Variants in ZNF862 observed in about 807,000 individuals in gnomAD.
The protein encoded by ZNF862 is zinc finger protein 862.
Under a neutral mutation model 91.1 loss-of-function variants are expected in ZNF862, and 64 were observed. That is an observed-to-expected ratio of 0.70 (90% CI 0.57 to 0.87). The LOEUF (loss-of-function observed/expected upper bound fraction) is 0.87. Among genes scored for constraint, ZNF862 ranks in the 40% least tolerant of loss-of-function variants. The pLI is 0.00. For missense variants in ZNF862, 1,459 were observed against 1,528.0 expected (o/e 0.95, Z 0.75); for synonymous variants, 631 against 618.1 (o/e 1.02, Z -0.31).
chr7:149,863,505 A>T (rs1368814292), intron 7 of ZNF862, among the ~76,000 whole-genome samples: 1 of 152,200 alleles, frequency 6.6e-6, no homozygotes, highest in Non-Finnish European at 1.5e-5. Context: ...AGGTGGGGAT[A>T]AGAAAAGAGA....
rs367972255 is a variant in ZNF862 at position 149,862,454 on chromosome 7, T to C, written c.3294T>C (p.His1098=). The C allele has an allele frequency of 3.7e-6, 6 of 1,606,692 alleles. No individual in the cohort carries two copies. The highest frequency in any genetic ancestry group is 2.2e-5 in the East Asian group (1 of 44,674). ...YLTSSGRRFS[H]VYTCAQVPAR... ...CCTCCTCAGGCCGGCGTTTCAGCCA[T>C]GTCTACACCTGTGCCCAGGTGCCAG... is the stretch of plus-strand genomic sequence containing the variant. The change falls in exon 7 of 8, where the codon CAT becomes CAC. Residue 1098 remains histidine (H), a synonymous_variant. Transcript: ENST00000223210.
chr7:149,841,829 C>G (rs972391109), intron 1 of ZNF862: 7 of 878,000 alleles, frequency 8.0e-6, no homozygotes, highest in African/African-American at 1.8e-5. Flanking sequence ...GCACTTATAT[C>G]TTAGTTGTCT....
At chr7:149,839,381 G>C (rs987601938) in intron 1 of ZNF862, among the ~76,000 whole-genome samples, 1 of 152,126 alleles carries the variant, frequency 6.6e-6, no homozygotes, top group African/African-American at 2.4e-5. Context: ...TTCTTATTTG[G>C]CACAGAGGAG....
chr7:149,844,526 C>T, intron 1 of ZNF862, 99 bp from the exon 2 acceptor site: 2 of 745,744 alleles, frequency 2.7e-6, no homozygotes, highest in Admixed American at 4.7e-5. Context: ...ATTGACAACA[C>T]CCCTCCCCGT....
rs776025030 is a variant in ZNF862 at position 149,861,219 on chromosome 7, A to C, written c.2059A>C (p.Lys687Gln). 3 of 1,612,254 alleles carry C rather than the reference A, an allele frequency of 1.9e-6. No homozygotes were observed. Among genetic ancestry groups the C allele is most frequent in the Non-Finnish European group, 2.5e-6 (3 of 1,179,544 alleles). The stretch of plus-strand genomic sequence containing the variant: ...GGATGAGCTGGACATCCCCTTCCGG[A>C]AGCCTGGCTGGGTGGTGGGGCTGGG... The part of the protein sequence containing the change: ...ALDELDIPFR[K>Q]PGWVVGLGTD... The change falls in exon 7 of 8, where the codon AAG becomes CAG. Residue 687 changes from lysine (K) to glutamine (Q), a missense_variant. By Grantham distance (53) the Lys-to-Gln change is moderately conservative. Transcript: ENST00000223210. The surrounding 1 kb of genome is among the most constrained non-coding windows in gnomAD (Gnocchi z 6.7).
At chr7:149,838,746 AG>A in intron 1 of ZNF862, 111 bp downstream of exon 1, 1 of 690,048 alleles carries the variant, frequency 1.4e-6, no homozygotes, top group Non-Finnish European at 2.0e-6. Context: ...CCAGGCTTGC[AG>A]GGAAGGACTC....
intron 1 of ZNF862, 128 bp downstream of exon 1, chr7:149,838,763 C>T: frequency 1.7e-6 from 1 of 579,972 alleles, no homozygotes; most frequent in African/African-American, 1.9e-5. Context: ...GACTCGCCGG[C>T]CCGCCCTCTC....
At position 149,855,553 on chromosome 7, in the gene ZNF862, A is replaced by G. The variant is rs771281123; in HGVS notation, c.1118-3869A>G. 6.6e-6 allele frequency among the ~76,000 whole-genome samples: 1 copy of G among 152,230 alleles called. No individual in the cohort carries two copies. The highest frequency in any genetic ancestry group is 1.5e-5 in the Non-Finnish European group (1 of 68,036). On this transcript the variant is annotated intron_variant, in intron 5 of 7. Transcript: ENST00000223210. The surrounding 1 kb of genome is among the most constrained non-coding windows in gnomAD (Gnocchi z 4.1). ...ACATGTAATCTGACACCAGCTACTT[A>G]GAGCTGTAGTCCTTTAAAGCTGGTT...
intron 2 of ZNF862, 61 bp downstream of exon 2, chr7:149,844,797 C>A: frequency 8.8e-7 from 1 of 1,141,790 alleles, no homozygotes; most frequent in Non-Finnish European, 1.3e-6. Context: ...CCAACCTCAT[C>A]TGCGTCAGGA....
intron 1 of ZNF862, among the ~76,000 whole-genome samples, chr7:149,843,559 C>T (rs1801774188): frequency 6.6e-6 from 1 of 152,102 alleles, no homozygotes; most frequent in Admixed American, 6.6e-5. Context: ...GCAACCTGCC[C>T]CCCAAACCCC....
In ZNF862 at chr7:149,864,420, C is replaced by A; in HGVS notation, c.*136C>A. On this transcript the variant is annotated 3_prime_UTR_variant, in exon 8 of 8. Transcript: ENST00000223210. ...GCACCAGGAAGTGGGCAGTGGCATC[C>A]CAGAGCAGCAGGGGTATCAGGAGGT... is the stretch of plus-strand genomic sequence containing the variant. 1 of 896,364 alleles carries A rather than the reference C, an allele frequency of 1.1e-6. No homozygotes were observed. The highest frequency in any genetic ancestry group is 1.7e-6 in the Non-Finnish European group (1 of 604,286). 55.5% of individuals were successfully genotyped at this position (896,364 alleles called of 1,614,324 possible). A position where few individuals can be genotyped will look rare whatever the true frequency, so the allele number is the denominator to read the frequency against.
chr7:149,856,095 A>C (rs1802255267), intron 5 of ZNF862: 1 of 152,226 alleles, frequency 6.6e-6, no homozygotes, highest in African/African-American at 2.4e-5. Context: ...GGCTGGAGCC[A>C]CAGCCCCTGG....
In ZNF862 at chr7:149,864,383, G is replaced by T. The variant is rs1293963274; in HGVS notation, c.*99G>T. 2.3e-6 allele frequency: 3 copies of T among 1,304,624 alleles called. No homozygotes were observed. Among genetic ancestry groups the T allele is most frequent in the Non-Finnish European group, 3.1e-6 (3 of 964,786 alleles). 80.8% of individuals were successfully genotyped at this position (1,304,624 alleles called of 1,614,324 possible). A position where few individuals can be genotyped will look rare whatever the true frequency, so the allele number is the denominator to read the frequency against. On this transcript the variant is annotated 3_prime_UTR_variant, in exon 8 of 8. Coordinates refer to ENST00000223210, the MANE Select transcript of ZNF862 (RefSeq NM_001099220.3). The stretch of plus-strand genomic sequence containing the variant: ...TGCCCTAGGATCTTCTGCTGGTGGC[G>T]ATGGTCTCTAAGCACCAGGAAGTGG...
Position 149,866,705 on chromosome 7 carries a change from C to T in ZNF862, c.*2421C>T, listed in dbSNP as rs958097938. On this transcript the variant is annotated 3_prime_UTR_variant, in exon 8 of 8. Transcript: ENST00000223210. ...TGTTTGTCATAAAATTTGCACTACCCGATTTCTCAAGGGGCACAGGCCTGC... is the reference window on the plus strand; with the variant it reads ...TGTTTGTCATAAAATTTGCACTACCTGATTTCTCAAGGGGCACAGGCCTGC... 2 of 152,304 alleles carry T rather than the reference C, an allele frequency of 1.3e-5. No individual in the cohort carries two copies. Among genetic ancestry groups the T allele is most frequent in the Admixed American group, 6.5e-5 (1 of 15,298 alleles). 9.4% of individuals were successfully genotyped at this position (152,304 alleles called of 1,614,324 possible).
At chr7:149,845,708 T>A (rs890196031) in intron 2 of ZNF862, among the ~76,000 whole-genome samples, 2 of 152,206 alleles carry the variant, frequency 1.3e-5, no homozygotes, top group African/African-American at 4.8e-5. Flanking sequence ...ATTTCTGGCA[T>A]CTCTTGACAA....
At chr7:149,842,020 G>GCAGCAT (rs1160785609) in intron 1 of ZNF862, among the ~76,000 whole-genome samples, 2 of 152,206 alleles carry the variant, frequency 1.3e-5, no homozygotes, top group Non-Finnish European at 2.9e-5. Context: ...ATAAAATCAA[G>GCAGCAT]CAGCATAGAT....
rs771127450 is a variant in ZNF862 at position 149,862,214 on chromosome 7, C to T, written c.3054C>T (p.Arg1018=). The T allele has an allele frequency of 3.1e-6, 5 of 1,613,754 alleles. No homozygotes were observed. The East Asian group carries it at 6.7e-5, about 22-fold the overall frequency. ...LCKNALAQHC[R]FPLLSKLMAV... is the part of the protein sequence containing the mutation. ...AAAACGCCCTGGCCCAGCACTGCCGCTTCCCCCTGCTAAGCAAGCTCATGG... is the reference window on the plus strand; with the variant it reads ...AAAACGCCCTGGCCCAGCACTGCCGTTTCCCCCTGCTAAGCAAGCTCATGG... Residue 1018 remains arginine (R), a synonymous_variant, in exon 7 of 8, where the codon CGC becomes CGT. Transcript: ENST00000223210.
chr7:149,855,470 T>C lies in ZNF862; in HGVS notation c.1118-3952T>C, dbSNP rs760918626. On this transcript the variant is annotated intron_variant, in intron 5 of 7. Transcript: ENST00000223210. The surrounding 1 kb of genome is among the most constrained non-coding windows in gnomAD (Gnocchi z 4.1). ...CCCTGCTGGTTTCAGAATTTCTGAC[T>C]CATCCTCAGTGGGAATGGCGTTGGT... Among the ~76,000 whole-genome samples the C allele has an allele frequency of 6.6e-6, 1 of 152,190 alleles. No individual in the cohort carries two copies. Among genetic ancestry groups the C allele is most frequent in the Non-Finnish European group, 1.5e-5 (1 of 68,018 alleles).
chr7:149,856,653 C>G (rs907335616), intron 5 of ZNF862, among the ~76,000 whole-genome samples: 1 of 152,198 alleles, frequency 6.6e-6, no homozygotes, highest in African/African-American at 2.4e-5. Flanking sequence ...AGACTTCGCT[C>G]CGGGGCCTTC....
Sources: gnomAD v4.1 joint callset for allele counts (sites outside exome capture counted in the v4.1 genomes callset) on GRCh38, gnomAD v4.1.1 for gene constraint, Gnocchi (gnomAD v3.1) non-coding constraint, MANE v1.5 for transcripts, NCBI Gene and HGNC (gene_info 2026-07-23, HGNC 2026-07-21) for gene names.